The following GEMIN8 variants were observed in gnomAD, a reference collection of about 807,000 sequenced individuals.
GEMIN8 encodes gem nuclear organelle associated protein 8, also known as gem-associated protein 8.
For missense variants in GEMIN8, 185 were observed against 205.9 expected, an observed-to-expected ratio of 0.90 and a Z score of 0.62; for synonymous variants, 80 against 78.5, an observed-to-expected ratio of 1.02 and a Z score of -0.10.
chrX:13,984,948 C>A, the GEMIN8 span, among the ~76,000 whole-genome samples: 1 of 111,105 alleles, frequency 9.0e-6, no homozygotes, highest in Non-Finnish European at 1.9e-5. Flanking sequence ...TTGAAGAAGG[C>A]CTTCGGGCAA....
chrX:14,016,717 C>T (rs933913755), intron 4 of GEMIN8, among the ~76,000 whole-genome samples: 10 of 103,831 alleles, frequency 9.6e-5, no homozygotes, highest in African/African-American at 2.1e-4. Context: ...TGGTGGTTGG[C>T]GCCTGAAATC....
chrX:14,005,454 C>T (rs192951223), downstream of GEMIN8, among the ~76,000 whole-genome samples: 68 of 111,755 alleles, frequency 6.1e-4, no homozygotes, highest in Non-Finnish European at 8.3e-4. Flanking sequence ...TGAAGGGCTG[C>T]GTGCTCAGAG....
chrX:14,025,391 A>G (rs1428786607), intron 2 of GEMIN8, among the ~76,000 whole-genome samples: 1 of 110,817 alleles, frequency 9.0e-6, no homozygotes, highest in Admixed American at 9.6e-5. Flanking sequence ...AACAATTCTT[A>G]GCTTCCTGAA....
Position 14,006,799 on chromosome X carries a change from G to A in GEMIN8, c.*2114C>T, listed in dbSNP as rs756817092. Among the ~76,000 whole-genome samples the A allele has an allele frequency of 9.0e-6, 1 of 111,720 alleles. No homozygotes were observed. The highest frequency in any genetic ancestry group is 2.8e-4 in the East Asian group (1 of 3,568). On this transcript the variant is annotated 3_prime_UTR_variant, in exon 5 of 5. Transcript: ENST00000680255. Reference sequence around the variant, plus strand: ...TTACAGGCACTACTCAATGTGGTCCGCACAATGACCCCACGAGAGAATTAT... The same window carrying A: ...TTACAGGCACTACTCAATGTGGTCCACACAATGACCCCACGAGAGAATTAT...
rs565024719 is a variant in GEMIN8 at position 14,014,361 on chromosome X, C to G, written c.473-5192G>C. The G allele has an allele frequency of 3.9e-4, 290 of 750,100 alleles. 2 individuals carry two copies. The South Asian group carries it at 4.3e-3, about 11-fold the overall frequency. The allele number at this position is 750,100 out of a possible 1,213,427, so 61.8% of individuals were successfully genotyped here. A position where few individuals can be genotyped will look rare whatever the true frequency, so the allele number is the denominator to read the frequency against. ...CCAGCAGAACTGGAGCCATTTCAGA[C>G]TGGTCTTCTCTCTTCGTCGCACATC... On this transcript the variant is annotated intron_variant, in intron 4 of 4. Coordinates refer to ENST00000680255, the MANE Select transcript of GEMIN8 (RefSeq NM_001042479.2).
At chrX:13,995,525 T>C in the GEMIN8 span, among the ~76,000 whole-genome samples, 1 of 112,010 alleles carries the variant, frequency 8.9e-6, no homozygotes, top group African/African-American at 3.2e-5. Flanking sequence ...AGATATGTCC[T>C]TTTATAGTTC....
At chrX:13,990,921 G>A in the GEMIN8 span, among the ~76,000 whole-genome samples, 1 of 111,868 alleles carries the variant, frequency 8.9e-6, no homozygotes, top group African/African-American at 3.2e-5. Context: ...TTGTAGAGAC[G>A]TGGTCTCACT....
At chrX:14,018,768 T>A (rs1214700948) in intron 4 of GEMIN8, among the ~76,000 whole-genome samples, 2 of 91,609 alleles carry the variant, frequency 2.2e-5, no homozygotes, top group Non-Finnish European at 4.2e-5. Flanking sequence ...TTTCTTTTCT[T>A]TTTTTTTTTT....
chrX:14,024,619 T>C (rs1486336398), intron 2 of GEMIN8, among the ~76,000 whole-genome samples: 3 of 111,457 alleles, frequency 2.7e-5, no homozygotes, highest in African/African-American at 9.8e-5. Flanking sequence ...GCCTCAGAGA[T>C]CACCCAGGTA....
chrX:13,987,345 A>G, the GEMIN8 span, among the ~76,000 whole-genome samples: 2 of 112,451 alleles, frequency 1.8e-5, no homozygotes, highest in Non-Finnish European at 3.8e-5. Flanking sequence ...GAGGAAATGT[A>G]AATTTACTAG....
intron 4 of GEMIN8, chrX:14,014,198 A>G (rs1407104693): frequency 1.9e-5 from 14 of 751,193 alleles, no homozygotes; most frequent in Non-Finnish European, 2.2e-5. Flanking sequence ...TAGGACTAGT[A>G]CATCTTTCTG....
chrX:14,012,368 C>G (rs1297514532), intron 4 of GEMIN8, among the ~76,000 whole-genome samples: 1 of 110,164 alleles, frequency 9.1e-6, no homozygotes, highest in Non-Finnish European at 1.9e-5. Context: ...AAGCGATCCA[C>G]CTGCCTTGGC....
intron 4 of GEMIN8, among the ~76,000 whole-genome samples, chrX:14,010,192 G>A (rs1672997468): frequency 8.9e-6 from 1 of 112,270 alleles, no homozygotes; most frequent in Admixed American, 9.4e-5. Context: ...AATTTAAATG[G>A]ATTCTTGTAA....
chrX:14,018,766 C>CTTTTTTTTTTTTTTTTTTTTTTTTTT (rs58528171), intron 4 of GEMIN8, among the ~76,000 whole-genome samples: 1 of 91,888 alleles, frequency 1.1e-5, no homozygotes, highest in Non-Finnish European at 2.2e-5. Context: ...CTTTTCTTTT[C>CTTTTTTTTTTTTTTTTTTTTTTTTTT]TTTTTTTTTT....
chrX:14,009,258 T>C (rs899021087), intron 4 of GEMIN8, 89 bp from the exon 5 acceptor site: 7 of 929,357 alleles, frequency 7.5e-6, no homozygotes, highest in African/African-American at 1.9e-5. Flanking sequence ...CTGCTGGCCA[T>C]GCCATCTGCA....
At chrX:14,004,240 T>A (rs1454334679), downstream of GEMIN8, among the ~76,000 whole-genome samples, 2 of 112,599 alleles carry the variant, frequency 1.8e-5, no homozygotes, top group Non-Finnish European at 3.8e-5. Flanking sequence ...ACATGTAGTC[T>A]AGCTCATTTC....
At chrX:14,009,415 T>C (rs1182187852) in intron 4 of GEMIN8, among the ~76,000 whole-genome samples, 1 of 111,318 alleles carries the variant, frequency 9.0e-6, no homozygotes. Context: ...CTGAGAGAAA[T>C]GGCAAAGAGT....
At chrX:13,993,246 T>C in the GEMIN8 span, among the ~76,000 whole-genome samples, 28,255 of 110,157 alleles carry the variant, frequency 0.26, 2,797 homozygotes, top group Non-Finnish European at 0.3. Context: ...CTGGCTCTTC[T>C]CCATGCTTCT....
At chrX:13,997,690 T>C in the GEMIN8 span, among the ~76,000 whole-genome samples, 3 of 110,355 alleles carry the variant, frequency 2.7e-5, no homozygotes, top group Non-Finnish European at 5.7e-5. Context: ...AGGTCGGGAG[T>C]TCGAGACCAG....
Sources: gnomAD v4.1 joint callset for allele counts (sites outside exome capture counted in the v4.1 genomes callset) on GRCh38, gnomAD v4.1.1 for gene constraint, MANE v1.5 for transcripts, NCBI Gene and HGNC (gene_info 2026-07-23, HGNC 2026-07-21) for gene names.